The following MAD2L2 variants were observed in gnomAD, a reference collection of about 807,000 sequenced individuals.
The protein encoded by MAD2L2 is mitotic arrest deficient 2 like 2.
MAD2L2 carries 17 observed loss-of-function variants against 30.5 expected under a neutral mutation model. The ratio of observed to expected loss-of-function variants is 0.56; its 90% CI spans 0.38 to 0.84. The LOEUF (loss-of-function observed/expected upper bound fraction) is 0.84, where lower values mean the gene tolerates loss of function less well. Among genes scored for constraint, MAD2L2 ranks in the 40% least tolerant of loss-of-function variants. The pLI is 0.00. For synonymous variants in MAD2L2, 101 were observed against 113.9 expected (o/e 0.89, Z 0.72); for missense variants, 213 against 277.4 (o/e 0.77, Z 1.65).
upstream of MAD2L2, chr1:11,682,087 C>T (rs771950563): frequency 1.3e-5 from 2 of 152,224 alleles, no homozygotes; most frequent in Non-Finnish European, 2.9e-5. Flanking sequence ...CGTTAATTCT[C>T]TCATTAACCC....
At chr1:11,680,714 G>A (rs1217943960) in intron 1 of MAD2L2, 101 bp from the exon 2 acceptor site, 1 of 1,467,706 alleles carries the variant, frequency 6.8e-7, no homozygotes. Flanking sequence ...TGTGGGAACT[G>A]GGGAAGGACC....
chr1:11,685,804 T>G (rs924636477), upstream of MAD2L2, among the ~76,000 whole-genome samples: 2 of 151,984 alleles, frequency 1.3e-5, no homozygotes, highest in African/African-American at 4.8e-5. Context: ...ATATAAAAAT[T>G]AGCTGAGCAT....
At chr1:11,677,227 C>T in intron 4 of MAD2L2, 1 of 600,698 alleles carries the variant, frequency 1.7e-6, no homozygotes, top group Non-Finnish European at 2.9e-6. Flanking sequence ...AGGGGCTCAG[C>T]TCAGACAGAA....
chr1:11,685,846 G>C (rs1640947515), upstream of MAD2L2, among the ~76,000 whole-genome samples: 1 of 152,092 alleles, frequency 6.6e-6, no homozygotes, highest in African/African-American at 2.4e-5. Flanking sequence ...CAGCTACTTA[G>C]GGGGCTGAGG....
chr1:11,675,374 C>T (rs1640744591), intron 7 of MAD2L2, among the ~76,000 whole-genome samples, 200 bp from the exon 8 acceptor site: 1 of 152,164 alleles, frequency 6.6e-6, no homozygotes, highest in Non-Finnish European at 1.5e-5. Flanking sequence ...GAACAGGCTC[C>T]AGGCACCAAC....
upstream of MAD2L2, among the ~76,000 whole-genome samples, chr1:11,684,683 C>A (rs925332745): frequency 6.6e-6 from 1 of 152,112 alleles, no homozygotes; most frequent in African/African-American, 2.4e-5. Flanking sequence ...TTCCAAGACC[C>A]CTCCCATCCC....
rs1246494446 is a variant in MAD2L2, at chr1:11,676,929, A to C, written c.251T>G (p.Val84Gly). 1 of 1,613,914 alleles carries C rather than the reference A, an allele frequency of 6.2e-7. No individual in the cohort carries two copies. Among genetic ancestry groups the C allele is most frequent in the Non-Finnish European group, 8.5e-7 (1 of 1,179,930 alleles). The stretch of plus-strand genomic sequence containing the variant: ...GTGCTCTTTATCCAAAATCACCACC[A>C]CCACTTTCTCCACATCATTCTGCAA... The part of the protein sequence containing the change: ...LLEKNDVEKV[V>G]VVILDKEHRP... Residue 84 changes from valine to glycine, a missense_variant, in exon 5 of 9, where the codon GTG becomes GGG. By Grantham distance (109) the Val-to-Gly change is moderately radical. Transcript: ENST00000376692.
rs1359634249 is a variant in MAD2L2, at chr1:11,690,189, T to A, written c.-692+1224A>T. Among the ~76,000 whole-genome samples, 1 of 152,170 alleles carries A rather than the reference T, an allele frequency of 6.6e-6. No homozygotes were observed. The highest frequency in any genetic ancestry group is 6.5e-5 in the Admixed American group (1 of 15,272). On this transcript the variant is annotated intron_variant, in intron 1 of 10. Transcript: ENST00000235310. The surrounding 1 kb of genome is among the most constrained non-coding windows in gnomAD (Gnocchi z 4.2). The stretch of plus-strand genomic sequence containing the variant: ...TTATCTTCTGTCTCCTTCACTAGAA[T>A]CTGAGCTCCATGGGGGCAGGGATTC...
intron 7 of MAD2L2, 41 bp from the exon 8 acceptor site, chr1:11,675,215 C>T: frequency 7.3e-7 from 1 of 1,378,362 alleles, no homozygotes; most frequent in Non-Finnish European, 1.0e-6. Context: ...CGGGGCTGGG[C>T]CCTGGCCTGC....
At chr1:11,691,519 G>A (rs1452020121) in exon 1 of MAD2L2, 5 of 151,700 alleles carry the variant, frequency 3.3e-5, no homozygotes, top group African/African-American at 1.2e-4. Context: ...GCGGCGCCTA[G>A]GCCTCTGGGG....
upstream of MAD2L2, chr1:11,681,362 A>G (rs1045553866): frequency 3.9e-5 from 6 of 152,188 alleles, no homozygotes; most frequent in African/African-American, 1.4e-4. Context: ...CACAACGTTG[A>G]TCTCCACGTT....
At chr1:11,683,856 A>T (rs1476376529), upstream of MAD2L2, among the ~76,000 whole-genome samples, 1 of 152,168 alleles carries the variant, frequency 6.6e-6, no homozygotes, top group Non-Finnish European at 1.5e-5. Flanking sequence ...CTGTAATCCC[A>T]GCTACTCAGG....
In MAD2L2 at chr1:11,676,139, A is replaced by T; in HGVS notation, c.334T>A (p.Ser112Thr). 5 of 1,591,918 alleles carry T rather than the reference A, an allele frequency of 3.1e-6. No individual in the cohort carries two copies. The highest frequency in any genetic ancestry group is 4.3e-6 in the Non-Finnish European group (5 of 1,166,256). ...ITQPPLLSISSDSLLSHVEQL... is the reference protein window; with the variant it reads ...ITQPPLLSISTDSLLSHVEQL... ...TCCACATGAGACAACAGCGAGTCTG[A>T]GCTGGGAGTGAGAGGAGGTCTTCCC... is the stretch of plus-strand genomic sequence containing the variant. The change falls in exon 6 of 9, where the codon TCA becomes ACA. Residue 112 changes from serine to threonine, a missense_variant and splice_region_variant. Physicochemically the swap from Ser to Thr is moderately conservative, Grantham distance 58. Coordinates refer to ENST00000376692, the MANE Select transcript of MAD2L2 (RefSeq NM_006341.4).
At chr1:11,685,597 G>A (rs1221757317), upstream of MAD2L2, among the ~76,000 whole-genome samples, 2 of 152,128 alleles carry the variant, frequency 1.3e-5, no homozygotes, top group Non-Finnish European at 2.9e-5. Context: ...CATAATGGTA[G>A]TTCTAATTTC....
At chr1:11,691,776 G>A (rs1641073670), upstream of MAD2L2, 2 of 150,502 alleles carry the variant, frequency 1.3e-5, no homozygotes, top group African/African-American at 2.4e-5. Context: ...CCCGTTCCGC[G>A]GCTCGCCCTC....
At chr1:11,689,797 G>A (rs1021153572) in intron 1 of MAD2L2, among the ~76,000 whole-genome samples, 2 of 151,880 alleles carry the variant, frequency 1.3e-5, no homozygotes, top group African/African-American at 4.8e-5. Context: ...TTTCTTGTGC[G>A]AGATCCAAGA....
At chr1:11,677,213 C>T (rs978609556) in intron 4 of MAD2L2, 47 of 602,520 alleles carry the variant, frequency 7.8e-5, no homozygotes, top group Admixed American at 3.5e-4. Context: ...GGGAAGAAAC[C>T]CTGAGGGGCT....
chr1:11,681,246 CA>C (rs2100713828), upstream of MAD2L2: 1 of 152,378 alleles, frequency 6.6e-6, no homozygotes, highest in South Asian at 2.1e-4. Context: ...GGCGGTTCCG[CA>C]TGCGGGGGCG....
In MAD2L2 at chr1:11,675,147, G is replaced by A; in HGVS notation, c.529C>T (p.Gln177Ter). 1.2e-6 allele frequency: 2 copies of A among 1,603,704 alleles called. No homozygotes were observed. Among genetic ancestry groups the A allele is most frequent in the Admixed American group, 1.7e-5 (1 of 58,378 alleles). Residue 177 changes from glutamine (Q) to a stop codon, truncating the protein, a stop_gained, in exon 8 of 9, where the codon CAG (glutamine) becomes TAG (stop). Coordinates refer to ENST00000376692, the MANE Select transcript of MAD2L2 (RefSeq NM_006341.4). LOFTEE classifies it high-confidence loss of function. ...KDFPWILADE[Q>*]DVHMHDPRLI... is the part of the protein sequence containing the mutation. ...CGGGGGTCATGCATGTGGACATCCT[G>A]CTCATCCGCCAGGATCCAGGGGAAA... is the stretch of plus-strand genomic sequence containing the variant.
Sources: allele counts gnomAD v4.1 joint callset (sites outside exome capture counted in the v4.1 genomes callset), GRCh38; gene constraint gnomAD v4.1.1; non-coding constraint Gnocchi (gnomAD v3.1); transcripts MANE v1.5; gene names NCBI Gene and HGNC (gene_info 2026-07-23, HGNC 2026-07-21).